The following MYO18B variants were observed in gnomAD, a reference collection of about 807,000 sequenced individuals.
The protein encoded by MYO18B is unconventional myosin-XVIIIb.
A neutral mutation model predicts 273.0 loss-of-function variants in MYO18B; 204 were observed. That is an observed-to-expected ratio of 0.75 (90% CI 0.67 to 0.84). MYO18B has a LOEUF of 0.84. Among genes scored for constraint, MYO18B ranks in the 40% least tolerant of loss-of-function variants. MYO18B has a pLI of 0.00. For synonymous variants in MYO18B, 1,330 were observed against 1,305.7 expected (o/e 1.02, Z -0.40); for missense variants, 3,212 against 3,287.6 (o/e 0.98, Z 0.56).
intron 1 of MYO18B, among the ~76,000 whole-genome samples, chr22:25,744,695 T>C (rs1281972511): frequency 7.2e-5 from 11 of 152,154 alleles, no homozygotes; most frequent in Admixed American, 5.2e-4. Context: ...GATCACGCCA[T>C]TGCACTCCAG....
chr22:25,773,124 G>A (rs912660310), intron 7 of MYO18B, among the ~76,000 whole-genome samples: 2 of 152,122 alleles, frequency 1.3e-5, no homozygotes, highest in Non-Finnish European at 2.9e-5. Context: ...ATCTCTAAGC[G>A]CCACCTTGTG....
chr22:26,036,372 T>G, the MYO18B span, among the ~76,000 whole-genome samples: 13 of 152,336 alleles, frequency 8.5e-5, no homozygotes, highest in Non-Finnish European at 1.6e-4. Flanking sequence ...CCTGTGTGTC[T>G]GTGAGGAGAT....
downstream of MYO18B, among the ~76,000 whole-genome samples, chr22:26,031,356 G>A (rs1936662526): frequency 1.3e-5 from 2 of 152,116 alleles, no homozygotes; most frequent in South Asian, 4.1e-4. Flanking sequence ...ATAGCTGGAG[G>A]GTTGAAGTCC....
chr22:25,831,978 A>C (rs2089723509), intron 15 of MYO18B, among the ~76,000 whole-genome samples: 1 of 152,240 alleles, frequency 6.6e-6, no homozygotes, highest in South Asian at 2.1e-4. Flanking sequence ...ATTTCTCCAG[A>C]GATTTACAAA....
rs1228527916 is a variant in MYO18B, at chr22:25,768,256, A to C, written c.340A>C (p.Ser114Arg). The C allele has an allele frequency of 1.2e-6, 2 of 1,613,878 alleles. No homozygotes were observed. The highest frequency in any genetic ancestry group is 2.7e-5 in the African/African-American group (2 of 74,930). Reference sequence around the variant, plus strand: ...GGGCAAGGAGAGCGAGGGGTCCCGCAGCCCCGACCCTGAGCAGATGACAAG... The same window carrying C: ...GGGCAAGGAGAGCGAGGGGTCCCGCCGCCCCGACCCTGAGCAGATGACAAG... Reference protein sequence around the residue: ...ILGKESEGSRSPDPEQMTSIN... With the variant: ...ILGKESEGSRRPDPEQMTSIN... The change falls in exon 4 of 44, where the codon AGC becomes CGC. Residue 114 changes from serine (S) to arginine (R), a missense_variant. Coordinates refer to ENST00000335473, the MANE Select transcript of MYO18B (RefSeq NM_032608.7).
chr22:25,921,187 G>A, intron 33 of MYO18B, 70 bp from the exon 34 acceptor site: 1 of 1,469,722 alleles, frequency 6.8e-7, no homozygotes, highest in East Asian at 2.5e-5. Context: ...CAGGGAACCT[G>A]ATTCCGGAAA....
intron 25 of MYO18B, chr22:25,884,747 C>A (rs189344148): frequency 6.6e-6 from 1 of 152,260 alleles, no homozygotes; most frequent in East Asian, 1.9e-4. Context: ...GGCAGAGGGT[C>A]GAGCCAGCTT....
chr22:25,957,843 G>A (rs983444759), intron 39 of MYO18B, among the ~76,000 whole-genome samples: 1 of 151,744 alleles, frequency 6.6e-6, no homozygotes, highest in Admixed American at 6.6e-5. Flanking sequence ...TTGGATTCAG[G>A]GCTCACTCTA....
At chr22:25,852,227 C>A (rs3859881) in intron 21 of MYO18B, among the ~76,000 whole-genome samples, 1 of 151,990 alleles carries the variant, frequency 6.6e-6, no homozygotes, top group African/African-American at 2.4e-5. Flanking sequence ...ACTCGTTCCC[C>A]GAATCTTTGC....
At chr22:26,044,833 T>C in the MYO18B span, among the ~76,000 whole-genome samples, 1 of 152,178 alleles carries the variant, frequency 6.6e-6, no homozygotes, top group African/African-American at 2.4e-5. Flanking sequence ...AATGCAAATA[T>C]TCAAGTATAA....
intron 35 of MYO18B, among the ~76,000 whole-genome samples, chr22:25,947,217 C>T (rs1344337909): frequency 6.6e-6 from 1 of 151,830 alleles, no homozygotes; most frequent in Non-Finnish European, 1.5e-5. Flanking sequence ...AAATGCCCTC[C>T]GTATAGGTAA....
rs758997504 is a variant in MYO18B at position 26,026,726 on chromosome 22, C to T, written c.6752C>T (p.Ser2251Leu). The change falls in exon 43 of 44, where the codon TCG (serine) becomes TTG (leucine). Residue 2251 changes from serine to leucine, a missense_variant. Ser to Leu is a moderately radical substitution (Grantham distance 145). Coordinates refer to ENST00000335473, the MANE Select transcript of MYO18B (RefSeq NM_032608.7). ...EKLPSPSAAL[S>L]EFVEGLRRKR... ...CTGCCCAGTCCTTCAGCGGCCCTCTCGGAGTTCGTGGAAGGGCTCCGGAGG... is the reference window on the plus strand; with the variant it reads ...CTGCCCAGTCCTTCAGCGGCCCTCTTGGAGTTCGTGGAAGGGCTCCGGAGG... 2.0e-5 allele frequency: 33 copies of T among 1,613,462 alleles called. No homozygotes were observed. The highest frequency in any genetic ancestry group is 4.0e-5 in the African/African-American group (3 of 74,882).
Position 26,012,932 on chromosome 22 carries a change from C to T in MYO18B, c.6470+8077C>T, listed in dbSNP as rs1166076941. ...AATTACTAACAAAATCAAGACTGGACCATTACAGTGCCCCTACAACTTCCT... is the reference window on the plus strand; with the variant it reads ...AATTACTAACAAAATCAAGACTGGATCATTACAGTGCCCCTACAACTTCCT... On this transcript the variant is annotated intron_variant, in intron 42 of 43. Transcript: ENST00000335473. 2.0e-5 allele frequency among the ~76,000 whole-genome samples: 3 copies of T among 152,100 alleles called. No individual in the cohort carries two copies. The East Asian group carries it at 5.8e-4, about 29-fold the overall frequency.
intron 17 of MYO18B, among the ~76,000 whole-genome samples, chr22:25,842,618 G>A (rs532022287): frequency 6.7e-6 from 1 of 148,360 alleles, no homozygotes; most frequent in East Asian, 2.0e-4. Flanking sequence ...GTTGCAGTGT[G>A]CCGAGATCGC....
intron 12 of MYO18B, among the ~76,000 whole-genome samples, chr22:25,813,412 A>C (rs970435682): frequency 3.3e-5 from 5 of 151,986 alleles, no homozygotes; most frequent in Non-Finnish European, 7.4e-5. Context: ...TTCCAAGATG[A>C]AATTTCAGTG....
chr22:25,827,572 G>A (rs910482413), intron 14 of MYO18B, among the ~76,000 whole-genome samples: 1 of 152,200 alleles, frequency 6.6e-6, no homozygotes, highest in African/African-American at 2.4e-5. Flanking sequence ...GCATAATTAG[G>A]CTTCTGAAAT....
intron 19 of MYO18B, among the ~76,000 whole-genome samples, chr22:25,846,863 C>T (rs375724084): frequency 7.2e-5 from 11 of 152,090 alleles, no homozygotes; most frequent in Non-Finnish European, 1.0e-4. Context: ...GGGCAGATCA[C>T]GAGGTCACGA....
chr22:25,895,430 C>A, intron 28 of MYO18B, 150 bp downstream of exon 28: 1 of 855,830 alleles, frequency 1.2e-6, no homozygotes, highest in Admixed American at 2.8e-5. Flanking sequence ...ACTATTATTA[C>A]AAATGCTGGT....
rs1180194004 is a variant in MYO18B, at chr22:25,878,083, G to A, written c.4314+35G>A. 6.0e-6 allele frequency: 9 copies of A among 1,500,478 alleles called. No individual in the cohort carries two copies. In the East Asian group the frequency reaches 2.2e-4, roughly 37 times the overall value. 92.9% of individuals were successfully genotyped at this position (1,500,478 alleles called of 1,614,324 possible). A position where few individuals can be genotyped will look rare whatever the true frequency, so the allele number is the denominator to read the frequency against. ...TCCCTCCTCTTGGGTCCTTGTGGGG[G>A]GTCTTTATGTATGTGAGATCTGTTT... On this transcript the variant is annotated intron_variant, in intron 25 of 43. Transcript: ENST00000335473.
Sources: allele counts gnomAD v4.1 joint callset (sites outside exome capture counted in the v4.1 genomes callset), GRCh38; gene constraint gnomAD v4.1.1; transcripts MANE v1.5; gene names NCBI Gene and HGNC (gene_info 2026-07-23, HGNC 2026-07-21).